Variants in KIAA1217 observed in about 807,000 individuals in gnomAD.
KIAA1217 encodes the protein KIAA1217.
A neutral mutation model predicts 163.9 loss-of-function variants in KIAA1217; 88 were observed. The ratio of observed to expected loss-of-function variants is 0.54; its 90% confidence interval spans 0.45 to 0.64. The LOEUF is 0.64. KIAA1217 is among the 30% of genes least tolerant of loss of function. The probability of loss-of-function intolerance (pLI) is 0.00; values close to 1 mark genes in which losing one functional copy is unlikely to be tolerated. For missense variants in KIAA1217, 2,372 were observed against 2,475.0 expected, an observed-to-expected ratio of 0.96 and a Z score of 0.88; for synonymous variants, 903 against 923.1, an observed-to-expected ratio of 0.98 and a Z score of 0.39.
intron 2 of KIAA1217, among the ~76,000 whole-genome samples, chr10:24,202,038 C>G (rs1049489771): frequency 4.6e-5 from 7 of 152,184 alleles, no homozygotes; most frequent in African/African-American, 1.7e-4. Context: ...GCTGGGTGAC[C>G]CCCTCAGCTC....
intron 1 of KIAA1217, among the ~76,000 whole-genome samples, chr10:23,918,731 T>C (rs1406430252): frequency 2.9e-5 from 4 of 137,914 alleles, no homozygotes; most frequent in Non-Finnish European, 6.0e-5. Context: ...GAATTAAATA[T>C]ATACACACAC....
chr10:24,326,829 C>T (rs2044973846), intron 2 of KIAA1217, among the ~76,000 whole-genome samples: 1 of 151,932 alleles, frequency 6.6e-6, no homozygotes, highest in African/African-American at 2.4e-5. Context: ...AAAGGTACAA[C>T]TGGAAATAGG....
chr10:23,924,771 A>G lies in KIAA1217; in HGVS notation c.-320-82454A>G, dbSNP rs201703024. Reference sequence around the variant, plus strand: ...TCAATTGCACCTCAGTAACAGGCCTATATCCAGTCTCCTTTATGACACTGT... The same window carrying G: ...TCAATTGCACCTCAGTAACAGGCCTGTATCCAGTCTCCTTTATGACACTGT... On this transcript the variant is annotated intron_variant, in intron 1 of 18. Transcript: ENST00000376462. 2.0e-5 allele frequency among the ~76,000 whole-genome samples: 3 copies of G among 152,162 alleles called. No homozygotes were observed. The East Asian group carries it at 5.8e-4, about 29-fold the overall frequency.
chr10:23,727,412 T>C (rs956542315), intron 1 of KIAA1217, among the ~76,000 whole-genome samples: 3 of 151,908 alleles, frequency 2.0e-5, no homozygotes, highest in Admixed American at 6.6e-5. Flanking sequence ...ATACAAAAAT[T>C]AGCTGGGTGT....
intron 2 of KIAA1217, among the ~76,000 whole-genome samples, chr10:24,108,925 A>T (rs1414540328): frequency 6.6e-6 from 1 of 152,168 alleles, no homozygotes; most frequent in Non-Finnish European, 1.5e-5. Flanking sequence ...TCCGCCTCCC[A>T]GGATCAAGCG....
chr10:23,771,348 G>T (rs1284866756), intron 1 of KIAA1217, among the ~76,000 whole-genome samples: 2 of 152,122 alleles, frequency 1.3e-5, no homozygotes, highest in African/African-American at 4.8e-5. Context: ...TTTAGGAAAA[G>T]CCCACAAAAT....
rs948384866 is a variant in KIAA1217 at position 23,851,469 on chromosome 10, A to G, written c.-320-155756A>G. On this transcript the variant is annotated intron_variant, in intron 1 of 18. Coordinates refer to the KIAA1217 transcript ENST00000376462. ...GCTATTGTGAATAGTGCCACAATAA[A>G]CATATGTGTGCATGTGTCTTTATAG... 7.2e-5 allele frequency among the ~76,000 whole-genome samples: 11 copies of G among 152,226 alleles called. 1 individual carries two copies. The highest frequency in any genetic ancestry group is 7.2e-4 in the Admixed American group (11 of 15,284).
At chr10:23,888,828 CTT>C (rs1841298626) in intron 1 of KIAA1217, among the ~76,000 whole-genome samples, 1 of 151,844 alleles carries the variant, frequency 6.6e-6, no homozygotes, top group Non-Finnish European at 1.5e-5. Flanking sequence ...AAAGTCCTCT[CTT>C]GCAAACTGTC....
rs180914994 is a variant in KIAA1217, at chr10:24,424,191, G to C, written c.554-8804G>C. Among the ~76,000 whole-genome samples the C allele has an allele frequency of 2.3e-3, 349 of 152,204 alleles. 1 individual carries two copies. The highest frequency in any genetic ancestry group is 8.0e-3 in the African/African-American group (333 of 41,552). On this transcript the variant is annotated intron_variant, in intron 3 of 20. Transcript: ENST00000376454. ...ACCTACTTTAAAAGCTATCCTATAGGAAGGGACTTAACAGCGGGAGAGTTC... is the reference window on the plus strand; with the variant it reads ...ACCTACTTTAAAAGCTATCCTATAGCAAGGGACTTAACAGCGGGAGAGTTC...
At chr10:23,851,905 G>A (rs1490591511) in intron 1 of KIAA1217, among the ~76,000 whole-genome samples, 2 of 151,900 alleles carry the variant, frequency 1.3e-5, no homozygotes, top group African/African-American at 2.4e-5. Flanking sequence ...TGTAGATTCT[G>A]GATATTAGCC....
At position 24,219,769 on chromosome 10, in the gene KIAA1217, C is replaced by T; in HGVS notation, c.214C>T (p.Pro72Ser). ...CCCAAGGAGACACACCCTAGGGGGG[C>T]CCCGAAGTTCCAAGGAAATACTGGG... ...NIPRRHTLGG[P>S]RSSKEILGMQ... Residue 72 changes from proline to serine, a missense_variant, in exon 2 of 21, where the codon CCC becomes TCC. Around this residue, in one of 3 missense-constraint regions of KIAA1217, gnomAD observed 1,431 missense variants for 1,470.3 expected, o/e 0.97. Transcript: ENST00000376454. 1 of 1,613,890 alleles carries T rather than the reference C, an allele frequency of 6.2e-7. No homozygotes were observed. The highest frequency in any genetic ancestry group is 8.5e-7 in the Non-Finnish European group (1 of 1,179,900).
intron 1 of KIAA1217, among the ~76,000 whole-genome samples, chr10:23,801,799 T>C (rs1326713032): frequency 6.6e-6 from 1 of 152,208 alleles, no homozygotes; most frequent in Non-Finnish European, 1.5e-5. Context: ...TAGAACCAGA[T>C]ATAAACTCAG....
At chr10:23,772,192 T>C (rs1177542088) in intron 1 of KIAA1217, among the ~76,000 whole-genome samples, 1 of 152,222 alleles carries the variant, frequency 6.6e-6, no homozygotes, top group African/African-American at 2.4e-5. Context: ...AAGGTGTTTA[T>C]GCTCTTGACA....
intron 4 of KIAA1217, among the ~76,000 whole-genome samples, chr10:24,436,757 C>CAAAAAAAAAAAAAAAAAA (rs10560676): frequency 1.4e-5 from 1 of 70,874 alleles, no homozygotes; most frequent in Non-Finnish European, 2.4e-5. Context: ...GACTCCGTCT[C>CAAAAAAAAAAAAAAAAAA]AAAAAAAAAA....
At chr10:23,940,460 C>CAAAAAAAAAAAAAAAA (rs760090400) in intron 1 of KIAA1217, among the ~76,000 whole-genome samples, 69 of 45,972 alleles carry the variant, frequency 1.5e-3, no homozygotes, top group East Asian at 2.8e-3. Flanking sequence ...GACTCCGTCT[C>CAAAAAAAAAAAAAAAA]AAAAAAAAAA....
At chr10:24,212,372 A>G (rs1317968627) in intron 1 of KIAA1217, among the ~76,000 whole-genome samples, 2 of 152,170 alleles carry the variant, frequency 1.3e-5, no homozygotes, top group African/African-American at 2.4e-5. Flanking sequence ...TTTATCAGGT[A>G]TCCAAGTGGA....
chr10:24,257,990 A>G (rs2075337081), intron 2 of KIAA1217, among the ~76,000 whole-genome samples: 1 of 152,172 alleles, frequency 6.6e-6, no homozygotes, highest in South Asian at 2.1e-4. Context: ...CCTCCCAGGT[A>G]CATATTTACC....
At chr10:24,329,554 T>C (rs528953820) in intron 2 of KIAA1217, among the ~76,000 whole-genome samples, 1 of 152,254 alleles carries the variant, frequency 6.6e-6, no homozygotes, top group South Asian at 2.1e-4. Flanking sequence ...TCCTGGAGTA[T>C]GTCAATGGGA....
chr10:23,932,963 T>C (rs1404943484), intron 1 of KIAA1217, among the ~76,000 whole-genome samples: 1 of 152,168 alleles, frequency 6.6e-6, no homozygotes, highest in Non-Finnish European at 1.5e-5. Flanking sequence ...CTATGACAGG[T>C]AAATTGAATA....
Sources: allele counts gnomAD v4.1 joint callset (sites outside exome capture counted in the v4.1 genomes callset), GRCh38; gene constraint gnomAD v4.1.1; regional missense constraint gnomAD v4.1.1; transcripts MANE v1.5; gene names NCBI Gene and HGNC (gene_info 2026-07-23, HGNC 2026-07-21).